Variants in IL1RAPL2 observed in about 807,000 individuals in gnomAD.
The protein encoded by IL1RAPL2 is X-linked interleukin-1 receptor accessory protein-like 2.
A neutral mutation model predicts 44.1 loss-of-function variants in IL1RAPL2; 3 were observed. That is an observed-to-expected ratio of 0.07 (90% CI 0.03 to 0.18). IL1RAPL2 has a LOEUF of 0.18. IL1RAPL2 is among the 10% of genes least tolerant of loss of function. The pLI, the probability that IL1RAPL2 is intolerant of heterozygous loss-of-function variation, is 1.00. For missense variants in IL1RAPL2, 391 were observed against 496.4 expected (o/e 0.79, Z 2.02); for synonymous variants, 181 against 178.8 (o/e 1.01, Z -0.10).
rs190827644 is a variant in IL1RAPL2, at chrX:105,693,140, C to T, written c.773-24227C>T. 5.4e-5 allele frequency among the ~76,000 whole-genome samples: 6 copies of T among 111,417 alleles called. No homozygotes were observed. In the East Asian group the frequency reaches 8.6e-4, roughly 16 times the overall value. On this transcript the variant is annotated intron_variant, in intron 6 of 10. Coordinates refer to ENST00000372582, the MANE Select transcript of IL1RAPL2 (RefSeq NM_017416.2). ...GGTATGGCAAACAGAATAATGGCTC[C>T]GCAAAGGTGTTCATGTCCTAATCCC...
chrX:104,856,708 C>T (rs971879646), intron 2 of IL1RAPL2, among the ~76,000 whole-genome samples: 4 of 111,965 alleles, frequency 3.6e-5, no homozygotes, highest in Admixed American at 1.9e-4. Context: ...ATTGATTCAG[C>T]TTATGGAGAT....
At chrX:104,573,840 T>C (rs981666265) in intron 1 of IL1RAPL2, among the ~76,000 whole-genome samples, 1 of 111,812 alleles carries the variant, frequency 8.9e-6, no homozygotes, top group Non-Finnish European at 1.9e-5. Context: ...ATGACAAAGA[T>C]TTCAAATTCA....
At chrX:105,574,381 T>C (rs749650489) in intron 6 of IL1RAPL2, among the ~76,000 whole-genome samples, 1 of 111,115 alleles carries the variant, frequency 9.0e-6, no homozygotes, top group African/African-American at 3.3e-5. Context: ...GAAGAAGATA[T>C]AGGAGGAGAC....
Position 105,728,235 on chromosome X carries a change from C to T in IL1RAPL2, c.902+10739C>T, listed in dbSNP as rs761291426. Among the ~76,000 whole-genome samples, 8 of 111,599 alleles carry T rather than the reference C, an allele frequency of 7.2e-5. No individual in the cohort carries two copies. The South Asian group carries it at 2.2e-3, about 31-fold the overall frequency. ...CAACTCCTTATCTTTTTACTGTCTCCGAAATGTTGCCTTCTCCGAAATTTC... is the reference window on the plus strand; with the variant it reads ...CAACTCCTTATCTTTTTACTGTCTCTGAAATGTTGCCTTCTCCGAAATTTC... On this transcript the variant is annotated intron_variant, in intron 7 of 10. Coordinates refer to ENST00000372582, the MANE Select transcript of IL1RAPL2 (RefSeq NM_017416.2).
At chrX:105,088,029 T>C (rs1301809920) in intron 2 of IL1RAPL2, among the ~76,000 whole-genome samples, 3 of 112,403 alleles carry the variant, frequency 2.7e-5, no homozygotes, top group Admixed American at 9.4e-5. Context: ...CATGACTCTT[T>C]CGTTAAGATC....
intron 2 of IL1RAPL2, among the ~76,000 whole-genome samples, chrX:104,798,693 T>G (rs1378589233): frequency 9.0e-6 from 1 of 110,719 alleles, no homozygotes; most frequent in Non-Finnish European, 1.9e-5. Context: ...CTCATTTTTT[T>G]GCCCACTTAC....
chrX:105,147,472 C>T (rs1249416021), intron 2 of IL1RAPL2, among the ~76,000 whole-genome samples: 1 of 111,098 alleles, frequency 9.0e-6, no homozygotes, highest in East Asian at 2.9e-4. Flanking sequence ...AAACCCAGGC[C>T]TATATTAACA....
chrX:105,557,579 T>A (rs148492852), intron 6 of IL1RAPL2, among the ~76,000 whole-genome samples: 72 of 111,588 alleles, frequency 6.5e-4, no homozygotes, highest in African/African-American at 2.1e-3. Flanking sequence ...TCAGTCTTCA[T>A]GCAATTCACT....
intron 5 of IL1RAPL2, among the ~76,000 whole-genome samples, chrX:105,318,927 C>T (rs750836032): frequency 1.8e-5 from 2 of 112,272 alleles, no homozygotes; most frequent in African/African-American, 6.5e-5. Flanking sequence ...ATACAAAACT[C>T]CATGGCTGCT....
At chrX:104,762,961 G>A (rs1474269451) in intron 2 of IL1RAPL2, among the ~76,000 whole-genome samples, 1 of 112,296 alleles carries the variant, frequency 8.9e-6, no homozygotes, top group African/African-American at 3.2e-5. Context: ...CTTCCCCATT[G>A]TTTTGGCAAT....
intron 2 of IL1RAPL2, among the ~76,000 whole-genome samples, chrX:104,989,927 T>C (rs1269159231): frequency 2.7e-5 from 3 of 111,940 alleles, no homozygotes; most frequent in Non-Finnish European, 3.8e-5. Flanking sequence ...TGTTTCTTCC[T>C]CCTGCCTTTA....
At chrX:105,115,844 C>T (rs1264124594) in intron 2 of IL1RAPL2, among the ~76,000 whole-genome samples, 13 of 112,990 alleles carry the variant, frequency 1.2e-4, no homozygotes, top group African/African-American at 3.9e-4. Flanking sequence ...GAGCCCATGG[C>T]GGTTGGTGGG....
At chrX:104,670,397 G>C (rs1930571510) in intron 2 of IL1RAPL2, among the ~76,000 whole-genome samples, 1 of 111,325 alleles carries the variant, frequency 9.0e-6, no homozygotes, top group Admixed American at 9.5e-5. Flanking sequence ...AGTTCTGCTG[G>C]CAGTTGATTG....
At chrX:104,719,954 G>T (rs1280864707) in intron 2 of IL1RAPL2, among the ~76,000 whole-genome samples, 1 of 111,087 alleles carries the variant, frequency 9.0e-6, no homozygotes, top group East Asian at 2.8e-4. Flanking sequence ...TGTGCTTTCT[G>T]CAGATAGTCA....
Position 105,753,364 on chromosome X carries a change from C to T in IL1RAPL2, c.1193-1813C>T, listed in dbSNP as rs764173085. On this transcript the variant is annotated intron_variant, in intron 9 of 10. Transcript: ENST00000372582. ...GTCAGAGAGAGTAACAGGGTCTGGTCTGACATTATGGAGTTTGAGGCAGCA... is the reference window on the plus strand; with the variant it reads ...GTCAGAGAGAGTAACAGGGTCTGGTTTGACATTATGGAGTTTGAGGCAGCA... Among the ~76,000 whole-genome samples, 17 of 111,642 alleles carry T rather than the reference C, an allele frequency of 1.5e-4. No individual in the cohort carries two copies. The South Asian group carries it at 6.1e-3, about 40-fold the overall frequency.
At chrX:105,516,064 G>C (rs16984798) in intron 6 of IL1RAPL2, among the ~76,000 whole-genome samples, 7,370 of 110,720 alleles carry the variant, frequency 0.067, 405 homozygotes, top group African/African-American at 0.18. Flanking sequence ...AAGAACAAAG[G>C]CAACAAGTCA....
intron 2 of IL1RAPL2, among the ~76,000 whole-genome samples, chrX:104,973,390 T>C (rs1177309003): frequency 9.0e-6 from 1 of 111,371 alleles, no homozygotes; most frequent in Non-Finnish European, 1.9e-5. Context: ...AAGCCAAAAA[T>C]GAGATTATAT....
chrX:105,420,279 T>C (rs2035764895), intron 5 of IL1RAPL2, among the ~76,000 whole-genome samples: 1 of 112,229 alleles, frequency 8.9e-6, no homozygotes, highest in South Asian at 3.7e-4. Flanking sequence ...AACAAGTCTA[T>C]GCACTTATTC....
At chrX:105,708,683 C>T (rs1158590813) in intron 6 of IL1RAPL2, among the ~76,000 whole-genome samples, 1 of 111,629 alleles carries the variant, frequency 9.0e-6, no homozygotes, top group Non-Finnish European at 1.9e-5. Context: ...TAGAATAGAC[C>T]TAACTTTGTA....
Sources: gnomAD v4.1 joint callset for allele counts (sites outside exome capture counted in the v4.1 genomes callset) on GRCh38, gnomAD v4.1.1 for gene constraint, MANE v1.5 for transcripts, NCBI Gene and HGNC (gene_info 2026-07-23, HGNC 2026-07-21) for gene names.